DAB1: variants seen among roughly 807,000 people sequenced by gnomAD.
The protein encoded by DAB1 is disabled homolog 1.
In DAB1, 15 loss-of-function variants were observed where a neutral mutation model predicts 64.6. The observed-to-expected ratio is 0.23, with a 90% CI of 0.16 to 0.36. DAB1 has a LOEUF of 0.36. Ranked by LOEUF, DAB1 falls within the 10% of genes least tolerant of loss-of-function variation. DAB1 has a pLI of 1.00. For missense variants in DAB1, 596 were observed against 706.7 expected, an observed-to-expected ratio of 0.84 and a Z score of 1.78; for synonymous variants, 235 against 251.9, an observed-to-expected ratio of 0.93 and a Z score of 0.64.
At chr1:57,101,263 T>C (rs1654663658) in intron 4 of DAB1, among the ~76,000 whole-genome samples, 2 of 152,254 alleles carry the variant, frequency 1.3e-5, no homozygotes, top group Admixed American at 1.3e-4. Flanking sequence ...GTAGACTGAC[T>C]TTCTAACAAC....
intron 6 of DAB1, among the ~76,000 whole-genome samples, chr1:57,727,169 C>T (rs1346854451): frequency 1.3e-5 from 2 of 152,166 alleles, no homozygotes; most frequent in African/African-American, 4.8e-5. Context: ...AGTGCCCAGA[C>T]TCTCATTATT....
At chr1:57,994,336 GAAGGAGGAGGA>G (rs1646393759) in intron 5 of DAB1, among the ~76,000 whole-genome samples, 2 of 152,194 alleles carry the variant, frequency 1.3e-5, no homozygotes, top group African/African-American at 4.8e-5. Flanking sequence ...GACCTTGAAG[GAAGGAGGAGGA>G]CAACAAAGGA....
intron 7 of DAB1, among the ~76,000 whole-genome samples, chr1:57,451,595 G>A (rs761368798): frequency 1.4e-4 from 22 of 152,150 alleles, no homozygotes; most frequent in Non-Finnish European, 4.4e-5. Flanking sequence ...TAACAGCTTT[G>A]ATGCTGTGTT....
intron 7 of DAB1, among the ~76,000 whole-genome samples, chr1:57,541,259 G>T (rs1415522388): frequency 6.6e-6 from 1 of 151,852 alleles, no homozygotes; most frequent in South Asian, 2.1e-4. Context: ...CTCCCGAGTA[G>T]CTGGGACTAC....
intron 5 of DAB1, among the ~76,000 whole-genome samples, chr1:58,118,501 T>TACACACAC (rs1192664324): frequency 2.1e-4 from 13 of 63,288 alleles, no homozygotes; most frequent in Middle Eastern, 7.2e-3. Context: ...TATATATATA[T>TACACACAC]ATACACACAC....
At chr1:57,105,384 G>GGTGT (rs140805735) in intron 4 of DAB1, among the ~76,000 whole-genome samples, 4 of 149,276 alleles carry the variant, frequency 2.7e-5, no homozygotes, top group African/African-American at 9.7e-5. Context: ...CCCAGTGTGT[G>GGTGT]GTGTGTGTGT....
In DAB1 at chr1:57,978,027, C is replaced by T. The variant is rs188895653; in HGVS notation, n.388-93865G>A. On this transcript the variant is annotated intron_variant and non_coding_transcript_variant, in intron 5 of 20. Transcript: ENST00000485760. ...TAGATTCAATGCCATCCCCAACAAG[C>T]TACCACTGATTTTCTTCACAGAATT... Among the ~76,000 whole-genome samples, 3 of 152,256 alleles carry T rather than the reference C, an allele frequency of 2.0e-5. 1 individual carries two copies. The highest frequency in any genetic ancestry group is 4.1e-4 in the South Asian group (2 of 4,822).
chr1:58,102,820 C>T (rs1319954735), intron 5 of DAB1, among the ~76,000 whole-genome samples: 1 of 152,196 alleles, frequency 6.6e-6, no homozygotes, highest in Non-Finnish European at 1.5e-5. Context: ...GCTAGCATTT[C>T]CAATAAAGTG....
At chr1:57,541,409 G>A (rs1244939862) in intron 7 of DAB1, among the ~76,000 whole-genome samples, 1 of 152,152 alleles carries the variant, frequency 6.6e-6, no homozygotes, top group East Asian at 1.9e-4. Context: ...GATTATAGGC[G>A]TGAGCCACCG....
chr1:57,502,318 C>CAAAAAAAAAA (rs10649147), intron 7 of DAB1, among the ~76,000 whole-genome samples: 8 of 94,152 alleles, frequency 8.5e-5, no homozygotes, highest in African/African-American at 1.8e-4. Context: ...GAGTCCGTCT[C>CAAAAAAAAAA]AAAAAAAAAA....
rs191136274 is a variant in DAB1 at position 57,897,803 on chromosome 1, A to G, written n.388-13641T>C. Among the ~76,000 whole-genome samples, 92 of 152,314 alleles carry G rather than the reference A, an allele frequency of 6.0e-4. 1 individual carries two copies. In the East Asian group the frequency reaches 0.017, roughly 27 times the overall value. ...ACAGTGCAACCACTTCATGTTACAGATGGGAAAGCTTAGACCCAGCTGGGG... is the reference window on the plus strand; with the variant it reads ...ACAGTGCAACCACTTCATGTTACAGGTGGGAAAGCTTAGACCCAGCTGGGG... On this transcript the variant is annotated intron_variant and non_coding_transcript_variant, in intron 5 of 20. Coordinates refer to the DAB1 transcript ENST00000485760.
chr1:57,144,834 T>C (rs1001906691), intron 3 of DAB1, among the ~76,000 whole-genome samples: 1 of 152,210 alleles, frequency 6.6e-6, no homozygotes, highest in African/African-American at 2.4e-5. Context: ...TTTAAGGATA[T>C]TATCTTAAAG....
chr1:58,378,164 C>A (rs1373625917), intron 3 of DAB1, among the ~76,000 whole-genome samples: 1 of 124,242 alleles, frequency 8.0e-6, no homozygotes, highest in East Asian at 2.1e-4. Flanking sequence ...TCGTCTGAAG[C>A]CTTCTTCTCT....
intron 5 of DAB1, among the ~76,000 whole-genome samples, chr1:57,992,608 G>A (rs12074638): frequency 0.02 from 3,065 of 152,224 alleles, 69 homozygotes; most frequent in Middle Eastern, 0.054. Flanking sequence ...GACACTCAGC[G>A]TTTTCAGAGT....
chr1:57,718,744 G>T (rs985129085), intron 6 of DAB1, among the ~76,000 whole-genome samples: 2 of 152,122 alleles, frequency 1.3e-5, no homozygotes, highest in Non-Finnish European at 2.9e-5. Context: ...ATCCCCAGTT[G>T]TAATTCTATG....
intron 5 of DAB1, among the ~76,000 whole-genome samples, chr1:57,996,943 C>G (rs959323615): frequency 1.3e-5 from 2 of 152,060 alleles, no homozygotes; most frequent in African/African-American, 4.8e-5. Context: ...TAGGCATGAG[C>G]AGAGCAGGAT....
At chr1:58,151,805 G>T (rs1654953859) in intron 4 of DAB1, among the ~76,000 whole-genome samples, 1 of 152,316 alleles carries the variant, frequency 6.6e-6, no homozygotes, top group East Asian at 1.9e-4. Flanking sequence ...AAGGAAGAAA[G>T]ACAAGTAAAT....
rs1662393769 is a variant in DAB1, at chr1:57,176,970, TATAAAAA to T, written c.68-31548_68-31542del. On this transcript the variant is annotated intron_variant, in intron 2 of 14. Coordinates refer to ENST00000371236, the MANE Select transcript of DAB1 (RefSeq NM_001365792.1). ...GATAAAAAAAAGAAGCAGCAGCAGA[TATAAAAA>T]AAAAAAAAAAAAAAAGCCCTCAGAC... Among the ~76,000 whole-genome samples the T allele has an allele frequency of 6.3e-3, 385 of 61,052 alleles. 10 individuals are homozygous for T. The highest frequency in any genetic ancestry group is 0.013 in the African/African-American group (345 of 25,686). The allele number at this position is 61,052 out of a possible 152,430, so 40.1% of individuals were successfully genotyped here. A position where few individuals can be genotyped will look rare whatever the true frequency, so the allele number is the denominator to read the frequency against.
chr1:57,001,741 TC>T (rs895542815), intron 14 of DAB1, among the ~76,000 whole-genome samples: 1 of 152,188 alleles, frequency 6.6e-6, no homozygotes, highest in Admixed American at 6.5e-5. Flanking sequence ...TTTTCCCATC[TC>T]TGAGACTTCA....
Sources: allele counts gnomAD v4.1 joint callset (sites outside exome capture counted in the v4.1 genomes callset), GRCh38; gene constraint gnomAD v4.1.1; transcripts MANE v1.5; gene names NCBI Gene and HGNC (gene_info 2026-07-23, HGNC 2026-07-21).